Variants in C5orf46 observed in about 807,000 individuals in gnomAD.
C5orf46 encodes the protein chromosome 5 open reading frame 46.
In C5orf46, 9 loss-of-function variants were observed where a neutral mutation model predicts 8.9. The ratio of observed to expected loss-of-function variants is 1.01; its 90% CI spans 0.61 to 1.76. C5orf46 has a LOEUF of 1.76. C5orf46 is among the 40% of genes most tolerant of loss of function. The pLI, the probability that C5orf46 is intolerant of heterozygous loss-of-function variation, is 0.00. For missense variants in C5orf46, 98 were observed against 107.8 expected (o/e 0.91, Z 0.40); for synonymous variants, 47 against 41.4 (o/e 1.14, Z -0.52).
chr5:147,890,145 G>A (rs1324944997), downstream of C5orf46, among the ~76,000 whole-genome samples: 2 of 152,092 alleles, frequency 1.3e-5, no homozygotes, highest in Admixed American at 1.3e-4. Context: ...TCCCATGTCC[G>A]TGCCTCTGTT....
rs778354043 is a variant in C5orf46 at position 147,903,980 on chromosome 5, T to C, written c.71-2207A>G. ...CCAGGCTGGTCTCGAACTCCTGGGC[T>C]TGAGTGATCTGCCCACGTCGGCCTC... On this transcript the variant is annotated intron_variant, in intron 1 of 3. Transcript: ENST00000318315. 5.8e-4 allele frequency among the ~76,000 whole-genome samples: 88 copies of C among 152,172 alleles called. 1 individual carries two copies. The highest frequency in any genetic ancestry group is 8.1e-4 in the Non-Finnish European group (55 of 68,034).
chr5:147,888,059 T>C (rs1054277635), downstream of C5orf46, among the ~76,000 whole-genome samples: 6 of 152,198 alleles, frequency 3.9e-5, no homozygotes, highest in African/African-American at 9.6e-5. Context: ...GTTCTCCATA[T>C]ACCTGAGTGG....
intron 1 of C5orf46, among the ~76,000 whole-genome samples, chr5:147,904,221 G>T (rs372135774): frequency 6.6e-6 from 1 of 152,094 alleles, no homozygotes; most frequent in African/African-American, 2.4e-5. Flanking sequence ...GGTGCCTATC[G>T]TGCAGGTACT....
intron 2 of C5orf46, chr5:147,887,148 T>C (rs907661382): frequency 3.9e-5 from 6 of 152,172 alleles, no homozygotes; most frequent in African/African-American, 1.4e-4. Flanking sequence ...GTACAATTTA[T>C]TTGCTACATT....
At chr5:147,897,132 C>A in intron 2 of C5orf46, 91 bp from the exon 3 acceptor site, 1 of 527,232 alleles carries the variant, frequency 1.9e-6, no homozygotes, top group South Asian at 3.6e-5. Flanking sequence ...GTTTGAGCCA[C>A]ACTGTTCTTC....
intron 1 of C5orf46, among the ~76,000 whole-genome samples, chr5:147,905,304 T>C (rs1757733565): frequency 6.6e-6 from 1 of 152,226 alleles, no homozygotes; most frequent in Non-Finnish European, 1.5e-5. Context: ...CCTGGTGAAG[T>C]TGATAGTTAT....
chr5:147,905,656 A>G (rs1255703392), intron 1 of C5orf46, among the ~76,000 whole-genome samples: 1 of 152,248 alleles, frequency 6.6e-6, no homozygotes, highest in Non-Finnish European at 1.5e-5. Context: ...GGCAGCATAC[A>G]GCATGAGCTT....
Position 147,901,709 on chromosome 5 carries a change from G to C in C5orf46, c.135C>G (p.Phe45Leu), listed in dbSNP as rs778479150. The C allele has an allele frequency of 1.9e-6, 3 of 1,613,916 alleles. No homozygotes were observed. Among genetic ancestry groups the C allele is most frequent in the East Asian group, 2.2e-5 (1 of 44,870 alleles). ...TGCCCAGGAGGCTTAGGAATTTGGG[G>C]AAGTCTGGCTTTGGGTCTTTGCCCG... is the stretch of plus-strand genomic sequence containing the variant. ...DDSGKDPKPD[F>L]PKFLSLLGTE... is the part of the protein sequence containing the mutation. The change falls in exon 2 of 4, where the codon TTC becomes TTG. Residue 45 changes from phenylalanine (F) to leucine (L), a missense_variant. Phe to Leu is a conservative substitution (Grantham distance 22). Coordinates refer to ENST00000318315, the MANE Select transcript of C5orf46 (RefSeq NM_206966.3).
intron 1 of C5orf46, among the ~76,000 whole-genome samples, chr5:147,902,269 T>C (rs1580987522): frequency 6.6e-6 from 1 of 152,034 alleles, no homozygotes; most frequent in African/African-American, 2.4e-5. Context: ...CTGGGTAACA[T>C]AGTGAGACTT....
intron 3 of C5orf46, among the ~76,000 whole-genome samples, chr5:147,893,937 G>T (rs1177014607): frequency 2.7e-5 from 4 of 148,620 alleles, no homozygotes; most frequent in Non-Finnish European, 5.9e-5. Context: ...ATTTCTAAAA[G>T]AAAAATTTTC....
chr5:147,889,085 T>C (rs1325370067), downstream of C5orf46, among the ~76,000 whole-genome samples: 1 of 152,014 alleles, frequency 6.6e-6, no homozygotes, highest in Non-Finnish European at 1.5e-5. Flanking sequence ...ATATAAATAT[T>C]AGTGCATGTG....
Position 147,901,429 on chromosome 5 carries a change from T to C in C5orf46, c.215+200A>G, listed in dbSNP as rs148779679. 1.2e-3 allele frequency: 557 copies of C among 463,116 alleles called. 7 individuals carry two copies. The East Asian group carries it at 0.017, about 14-fold the overall frequency. 28.7% of individuals were successfully genotyped at this position (463,116 alleles called of 1,614,324 possible). On this transcript the variant is annotated intron_variant, in intron 2 of 3. Transcript: ENST00000318315. The stretch of plus-strand genomic sequence containing the variant: ...CCTGTATGGAACCACTTGATGGGAA[T>C]GTCCTTTCCCCCAAAAAGCTCAGGG...
intron 2 of C5orf46, among the ~76,000 whole-genome samples, chr5:147,897,274 A>G (rs924776963): frequency 6.6e-6 from 1 of 152,250 alleles, no homozygotes; most frequent in East Asian, 1.9e-4. Context: ...CTATTCACAC[A>G]TAAACTCCAT....
intron 2 of C5orf46, chr5:147,886,680 T>TGAC (rs1308631222): frequency 6.6e-6 from 1 of 151,274 alleles, no homozygotes; most frequent in Non-Finnish European, 1.5e-5. Context: ...CACATATGAA[T>TGAC]GACATATGCC....
intron 2 of C5orf46, chr5:147,887,441 CATT>C (rs1229645626): frequency 1.3e-5 from 2 of 152,132 alleles, no homozygotes; most frequent in Non-Finnish European, 2.9e-5. Flanking sequence ...TTAACTCTCT[CATT>C]ATCAAATGAG....
At position 147,902,750 on chromosome 5, in the gene C5orf46, T is replaced by C. The variant is rs529658790; in HGVS notation, c.71-977A>G. 3.3e-5 allele frequency among the ~76,000 whole-genome samples: 5 copies of C among 152,364 alleles called. No homozygotes were observed. The South Asian group carries it at 1.0e-3, about 32-fold the overall frequency. ...TGCACAGTCTTTGATGGAAAAGTTA[T>C]GCAATTTGCACTTCTTTTAGAAGAT... On this transcript the variant is annotated intron_variant, in intron 1 of 3. Coordinates refer to ENST00000318315, the MANE Select transcript of C5orf46 (RefSeq NM_206966.3).
At position 147,894,285 on chromosome 5, in the gene C5orf46, G is replaced by A. The variant is rs181336994; in HGVS notation, c.*10-1346C>T. ...TCAAATGACTTAAGACACAAAAAAA[G>A]ATGACTTGAATTCATATGGTTTTAA... On this transcript the variant is annotated intron_variant, in intron 3 of 3. Transcript: ENST00000318315. Among the ~76,000 whole-genome samples the A allele has an allele frequency of 3.6e-3, 551 of 152,208 alleles. 4 individuals carry two copies. Among genetic ancestry groups the A allele is most frequent in the African/African-American group, 0.013 (532 of 41,532 alleles).
intron 2 of C5orf46, among the ~76,000 whole-genome samples, chr5:147,900,716 A>G (rs1757653960): frequency 6.6e-6 from 1 of 152,222 alleles, no homozygotes; most frequent in Non-Finnish European, 1.5e-5. Context: ...GGGATTCTGT[A>G]TCAGGTGGGT....
downstream of C5orf46, among the ~76,000 whole-genome samples, chr5:147,887,955 C>G (rs115975407): frequency 7.0e-3 from 1,072 of 152,290 alleles, 11 homozygotes; most frequent in African/African-American, 0.024. Flanking sequence ...CACAGGGACA[C>G]AAGCCAAGGT....
Sources: gnomAD v4.1 joint callset for allele counts (sites outside exome capture counted in the v4.1 genomes callset) on GRCh38, gnomAD v4.1.1 for gene constraint, MANE v1.5 for transcripts, NCBI Gene and HGNC (gene_info 2026-07-23, HGNC 2026-07-21) for gene names.